Variants in APBA1 observed in about 807,000 individuals in gnomAD.
The protein encoded by APBA1 is amyloid-beta A4 precursor protein-binding family A member 1.
In APBA1, 55 loss-of-function variants were observed where a neutral mutation model predicts 86.6. That is an observed-to-expected ratio of 0.64 (90% CI 0.51 to 0.80). The LOEUF (loss-of-function observed/expected upper bound fraction) is 0.80, where lower values mean the gene tolerates loss of function less well. Ranked by LOEUF, APBA1 falls within the 30% of genes least tolerant of loss-of-function variation. APBA1 has a pLI of 0.00. For missense variants in APBA1, 1,090 were observed against 1,183.0 expected (o/e 0.92, Z 1.15); for synonymous variants, 511 against 493.9 (o/e 1.03, Z -0.46).
At chr9:69,535,374 T>TA (rs752682061) in intron 1 of APBA1, among the ~76,000 whole-genome samples, 27 of 152,338 alleles carry the variant, frequency 1.8e-4, no homozygotes, top group Admixed American at 9.8e-4. Context: ...ATAAGCCTGG[T>TA]ACTAACCTAA....
chr9:69,452,037 C>T (rs1316498359), intron 9 of APBA1, 85 bp downstream of exon 9: 2 of 1,318,538 alleles, frequency 1.5e-6, no homozygotes, highest in Non-Finnish European at 2.2e-6. Context: ...ATTGATCTCC[C>T]TTCACTTCCG....
chr9:69,455,641 G>A (rs556556431), intron 8 of APBA1, among the ~76,000 whole-genome samples: 81 of 152,216 alleles, frequency 5.3e-4, no homozygotes, highest in African/African-American at 1.9e-3. Context: ...CTGTTTGCTG[G>A]GGAGGGACAG....
chr9:69,573,156 C>A (rs1280481172), intron 1 of APBA1, among the ~76,000 whole-genome samples: 3 of 151,532 alleles, frequency 2.0e-5, no homozygotes, highest in Admixed American at 6.6e-5. Flanking sequence ...AAGACCATCT[C>A]AAAAAAAATA....
At chr9:69,476,392 C>T (rs1047806945) in intron 2 of APBA1, among the ~76,000 whole-genome samples, 1 of 151,922 alleles carries the variant, frequency 6.6e-6, no homozygotes, top group African/African-American at 2.4e-5. Flanking sequence ...TCCCCTTAGG[C>T]CAAATGTTGA....
At chr9:69,547,027 A>T (rs965186253) in intron 1 of APBA1, among the ~76,000 whole-genome samples, 1 of 152,248 alleles carries the variant, frequency 6.6e-6, no homozygotes. Context: ...TTCCTTTTTC[A>T]CAGGTTATTT....
intron 1 of APBA1, among the ~76,000 whole-genome samples, chr9:69,625,083 G>A (rs1250113232): frequency 6.6e-6 from 1 of 152,110 alleles, no homozygotes; most frequent in Non-Finnish European, 1.5e-5. Context: ...TCCTTCCTCT[G>A]TCTTATAGGG....
chr9:69,661,931 A>C (rs949106947), intron 1 of APBA1, among the ~76,000 whole-genome samples: 1 of 152,028 alleles, frequency 6.6e-6, no homozygotes, highest in East Asian at 1.9e-4. Context: ...AGCCACCAGA[A>C]TTGTGAGCCA....
At chr9:69,648,980 C>T (rs1170439823) in intron 1 of APBA1, among the ~76,000 whole-genome samples, 1 of 152,162 alleles carries the variant, frequency 6.6e-6, no homozygotes, top group Non-Finnish European at 1.5e-5. Flanking sequence ...TCCATCCCTC[C>T]AGAAGCACAA....
intron 11 of APBA1, among the ~76,000 whole-genome samples, chr9:69,437,467 T>G (rs1349578118): frequency 7.9e-6 from 1 of 126,818 alleles, no homozygotes; most frequent in Admixed American, 8.3e-5. Flanking sequence ...CTGTTATTGG[T>G]CTATTCAGAG....
intron 1 of APBA1, among the ~76,000 whole-genome samples, chr9:69,530,329 T>TACACAC (rs1215038586): frequency 3.1e-5 from 4 of 127,580 alleles, no homozygotes; most frequent in African/African-American, 1.2e-4. Context: ...TATATATATA[T>TACACAC]ACACACACAC....
intron 1 of APBA1, among the ~76,000 whole-genome samples, chr9:69,530,181 T>C (rs1359193843): frequency 6.6e-6 from 1 of 151,886 alleles, no homozygotes; most frequent in Non-Finnish European, 1.5e-5. Context: ...AAAGAAATCA[T>C]TATCATATTA....
chr9:69,570,563 A>C (rs1289916920), intron 1 of APBA1, among the ~76,000 whole-genome samples: 1 of 152,236 alleles, frequency 6.6e-6, no homozygotes, highest in Admixed American at 6.5e-5. Context: ...TGATAGAATG[A>C]TCCTCTGAAA....
chr9:69,594,235 C>T (rs900934226), intron 1 of APBA1, among the ~76,000 whole-genome samples: 2 of 152,062 alleles, frequency 1.3e-5, no homozygotes, highest in African/African-American at 4.8e-5. Flanking sequence ...CCTAAAATCA[C>T]GGGGGTAGGG....
intron 9 of APBA1, 55 bp from the exon 10 acceptor site, chr9:69,449,851 A>G: frequency 6.7e-7 from 1 of 1,497,394 alleles, no homozygotes; most frequent in Non-Finnish European, 9.1e-7. Flanking sequence ...TGGGGTAGGT[A>G]GAAATGAAAG....
At chr9:69,608,510 A>G (rs553969113) in intron 1 of APBA1, among the ~76,000 whole-genome samples, 2 of 152,348 alleles carry the variant, frequency 1.3e-5, no homozygotes, top group East Asian at 3.9e-4. Flanking sequence ...ATGATGGTAG[A>G]CTGAGGAGGG....
rs1207615179 is a variant in APBA1 at position 69,516,581 on chromosome 9, G to T, written c.630C>A (p.Arg210=). 6 of 1,601,982 alleles carry T rather than the reference G, an allele frequency of 3.7e-6. No homozygotes were observed. The highest frequency in any genetic ancestry group is 5.1e-6 in the Non-Finnish European group (6 of 1,178,926). Residue 210 remains arginine (R), a synonymous_variant, in exon 2 of 13, where the codon CGC becomes CGA. Coordinates refer to ENST00000265381, the MANE Select transcript of APBA1 (RefSeq NM_001163.4). This position sits in a 1 kb window ranked among gnomAD's most constrained non-coding sequence, Gnocchi z 7.3. ...EIGDAPELDA[R]DGLRLYEQER... The stretch of plus-strand genomic sequence containing the variant: ...CCTGCTCGTAGAGCCGCAGGCCGTC[G>T]CGTGCGTCCAGCTCGGGCGCGTCCC...
intron 11 of APBA1, among the ~76,000 whole-genome samples, chr9:69,433,071 T>C (rs1236640995): frequency 6.6e-6 from 1 of 152,218 alleles, no homozygotes; most frequent in Non-Finnish European, 1.5e-5. Flanking sequence ...CTGAAGCGTT[T>C]AATGCCAGCA....
intron 1 of APBA1, among the ~76,000 whole-genome samples, chr9:69,544,619 G>A (rs1245200797): frequency 3.3e-5 from 5 of 152,002 alleles, no homozygotes; most frequent in African/African-American, 1.2e-4. Context: ...TGCATAATAG[G>A]GACTCCTCCC....
chr9:69,473,857 G>C (rs1014321098), intron 3 of APBA1, among the ~76,000 whole-genome samples: 2 of 152,026 alleles, frequency 1.3e-5, no homozygotes, highest in Admixed American at 6.6e-5. Context: ...TTTTTAAAAA[G>C]AGTTTTGTGA....
Sources: allele counts gnomAD v4.1 joint callset (sites outside exome capture counted in the v4.1 genomes callset), GRCh38; gene constraint gnomAD v4.1.1; non-coding constraint Gnocchi (gnomAD v3.1); transcripts MANE v1.5; gene names NCBI Gene and HGNC (gene_info 2026-07-23, HGNC 2026-07-21).